JADE3: variants seen among roughly 807,000 people sequenced by gnomAD.
The protein encoded by JADE3 is jade family PHD finger 3, also known as protein Jade-3.
JADE3 carries 2 observed loss-of-function variants against 50.1 expected under a neutral mutation model. The ratio of observed to expected loss-of-function variants is 0.04; its 90% CI spans 0.02 to 0.13. The LOEUF (loss-of-function observed/expected upper bound fraction) is 0.13. JADE3 is among the 10% of genes least tolerant of loss of function. The pLI, the probability that JADE3 is intolerant of heterozygous loss-of-function variation, is 1.00. For missense variants in JADE3, 475 were observed against 634.4 expected (o/e 0.75, Z 2.70); for synonymous variants, 218 against 232.9 (o/e 0.94, Z 0.58).
chrX:46,927,546 A>G (rs1323478807), intron 1 of JADE3, among the ~76,000 whole-genome samples: 1 of 112,063 alleles, frequency 8.9e-6, no homozygotes, highest in Non-Finnish European at 1.9e-5. Context: ...GAAGAATCAG[A>G]TTCACCAAAA....
chrX:46,998,454 A>G (rs2147137555), intron 4 of JADE3, among the ~76,000 whole-genome samples, 177 bp downstream of exon 4: 1 of 110,145 alleles, frequency 9.1e-6, no homozygotes, highest in African/African-American at 3.3e-5. Flanking sequence ...CAATAAAGTC[A>G]GGCTCATGTA....
chrX:47,029,646 C>T (rs1007544272), intron 6 of JADE3, among the ~76,000 whole-genome samples: 3 of 112,028 alleles, frequency 2.7e-5, no homozygotes, highest in Non-Finnish European at 5.6e-5. Context: ...CCTAACCACC[C>T]TGTATGTAAA....
chrX:47,035,518 C>T (rs1929116007), intron 7 of JADE3, among the ~76,000 whole-genome samples: 1 of 111,804 alleles, frequency 8.9e-6, no homozygotes, highest in Admixed American at 9.5e-5. Flanking sequence ...ATAGAGTAGG[C>T]TCTCTCAGCT....
At chrX:46,970,926 C>T (rs782587484) in intron 1 of JADE3, among the ~76,000 whole-genome samples, 11 of 110,271 alleles carry the variant, frequency 1.0e-4, no homozygotes, top group Non-Finnish European at 1.5e-4. Flanking sequence ...TTTTTTAAAT[C>T]GTTTGAGTTT....
chrX:46,935,696 G>A (rs1926600412), intron 1 of JADE3, among the ~76,000 whole-genome samples: 1 of 110,655 alleles, frequency 9.0e-6, no homozygotes, highest in Non-Finnish European at 1.9e-5. Context: ...GTGGAAAATT[G>A]AAACCTGTCC....
intron 1 of JADE3, among the ~76,000 whole-genome samples, chrX:46,913,350 G>C (rs1926008749): frequency 1.8e-5 from 2 of 111,194 alleles, no homozygotes; most frequent in South Asian, 7.5e-4. Context: ...CGCCCGGCGG[G>C]CTGGCGAACT....
intron 8 of JADE3, among the ~76,000 whole-genome samples, chrX:47,040,170 C>T (rs782624532): frequency 8.9e-6 from 1 of 111,956 alleles, no homozygotes; most frequent in East Asian, 2.8e-4. Flanking sequence ...CTCAGACCTC[C>T]TACATGTGAA....
chrX:46,998,380 A>C, intron 4 of JADE3, 103 bp downstream of exon 4: 2 of 714,524 alleles, frequency 2.8e-6, no homozygotes. Context: ...TTATAGTACA[A>C]AGTCACATAC....
intron 1 of JADE3, among the ~76,000 whole-genome samples, chrX:46,968,054 A>T (rs781851360): frequency 8.9e-6 from 1 of 111,810 alleles, no homozygotes; most frequent in South Asian, 3.7e-4. Flanking sequence ...CCTCCCAATT[A>T]TCCCCAGGCT....
intron 1 of JADE3, among the ~76,000 whole-genome samples, chrX:46,972,290 G>A (rs1483609095): frequency 9.1e-6 from 1 of 110,313 alleles, no homozygotes; most frequent in South Asian, 3.9e-4. Context: ...CCACCTCCTG[G>A]GTTCAAGCAA....
At chrX:46,926,554 T>C (rs1556338961) in intron 1 of JADE3, among the ~76,000 whole-genome samples, 2 of 112,064 alleles carry the variant, frequency 1.8e-5, no homozygotes, top group African/African-American at 6.5e-5. Flanking sequence ...CCCCGTTCTG[T>C]GGATTTTTAA....
chrX:47,058,560 T>C lies in JADE3; in HGVS notation c.1955T>C (p.Ile652Thr), dbSNP rs782381739. The C allele has an allele frequency of 2.0e-5, 24 of 1,208,972 alleles. No individual in the cohort carries two copies. The East Asian group carries it at 2.4e-4, about 12-fold the overall frequency. The change falls in exon 11 of 11, where the codon ATT (isoleucine) becomes ACT (threonine). Residue 652 changes from isoleucine (I) to threonine (T), a missense_variant. Coordinates refer to ENST00000614628, the MANE Select transcript of JADE3 (RefSeq NM_014735.5). ...LQAALHGQSS[I>T]GNGKSQPNSK... Reference sequence around the variant, plus strand: ...GCTGCCCTCCATGGACAGTCTTCCATTGGGAATGGGAAAAGTCAGCCTAAC... The same window carrying C: ...GCTGCCCTCCATGGACAGTCTTCCACTGGGAATGGGAAAAGTCAGCCTAAC...
At chrX:47,025,653 A>G (rs1259981933) in intron 5 of JADE3, among the ~76,000 whole-genome samples, 1 of 112,374 alleles carries the variant, frequency 8.9e-6, no homozygotes, top group Non-Finnish European at 1.9e-5. Context: ...AAGATAACTC[A>G]TTTTATACTT....
At chrX:47,033,543 G>C in intron 6 of JADE3, 78 bp from the exon 7 acceptor site, 1 of 813,208 alleles carries the variant, frequency 1.2e-6, no homozygotes, top group African/African-American at 2.0e-5. Context: ...AGGATACTCT[G>C]TGACTGTGTA....
intron 4 of JADE3, among the ~76,000 whole-genome samples, chrX:47,014,710 T>C (rs1212255229): frequency 8.9e-6 from 1 of 112,143 alleles, no homozygotes; most frequent in African/African-American, 3.2e-5. Context: ...TCTTATATGT[T>C]ACTGTTTTCC....
intron 1 of JADE3, among the ~76,000 whole-genome samples, chrX:46,979,211 G>A (rs1333826837): frequency 1.8e-5 from 2 of 112,158 alleles, no homozygotes; most frequent in East Asian, 2.8e-4. Context: ...TACTGTAATT[G>A]TTTTAAAAAT....
chrX:46,937,329 G>GT (rs1468712459), intron 1 of JADE3, among the ~76,000 whole-genome samples: 1 of 111,006 alleles, frequency 9.0e-6, no homozygotes, highest in Non-Finnish European at 1.9e-5. Context: ...TGGAAGGTTT[G>GT]TTTTATGATC....
chrX:46,948,430 A>T (rs1385927023), intron 1 of JADE3, among the ~76,000 whole-genome samples: 1 of 112,187 alleles, frequency 8.9e-6, no homozygotes, highest in Non-Finnish European at 1.9e-5. Flanking sequence ...TGTGTAAAGG[A>T]TGCCTGTATT....
intron 1 of JADE3, among the ~76,000 whole-genome samples, chrX:46,928,424 G>T (rs1926418219): frequency 8.9e-6 from 1 of 111,920 alleles, no homozygotes; most frequent in Non-Finnish European, 1.9e-5. Context: ...TGACTTGCAG[G>T]TATACAGCTA....
Sources: gnomAD v4.1 joint callset for allele counts (sites outside exome capture counted in the v4.1 genomes callset) on GRCh38, gnomAD v4.1.1 for gene constraint, MANE v1.5 for transcripts, NCBI Gene and HGNC (gene_info 2026-07-23, HGNC 2026-07-21) for gene names.